Variants in TBX22 observed in about 807,000 individuals in gnomAD.
TBX22 encodes the protein T-box transcription factor 22, also known as T-box transcription factor TBX22.
In TBX22, 8 loss-of-function variants were observed where a neutral mutation model predicts 30.1. The observed-to-expected ratio is 0.27, with a 90% CI of 0.16 to 0.48. The LOEUF (loss-of-function observed/expected upper bound fraction) is 0.48, where lower values mean the gene tolerates loss of function less well. Among genes scored for constraint, TBX22 ranks in the 20% least tolerant of loss-of-function variants. TBX22 has a pLI of 0.99. For synonymous variants in TBX22, 173 were observed against 149.1 expected (o/e 1.16, Z -1.17); for missense variants, 463 against 400.5 (o/e 1.16, Z -1.33).
At chrX:80,028,744 GA>G (rs1382070135) in intron 8 of TBX22, among the ~76,000 whole-genome samples, 1 of 111,358 alleles carries the variant, frequency 9.0e-6, no homozygotes, top group Non-Finnish European at 1.9e-5. Flanking sequence ...AAATGACATG[GA>G]TTTTTTTTAT....
At chrX:80,021,926 G>A (rs1182244174) in intron 1 of TBX22, among the ~76,000 whole-genome samples, 1 of 111,042 alleles carries the variant, frequency 9.0e-6, no homozygotes, top group East Asian at 2.9e-4. Flanking sequence ...TGCACTGGGA[G>A]GAAGGGAGAC....
In TBX22 at chrX:80,031,198, T is replaced by A; in HGVS notation, c.*87T>A. The A allele has an allele frequency of 1.1e-6, 1 of 887,990 alleles. No homozygotes were observed. Among genetic ancestry groups the A allele is most frequent in the Non-Finnish European group, 1.6e-6 (1 of 632,041 alleles). 73.2% of individuals were successfully genotyped at this position (887,990 alleles called of 1,213,427 possible). On this transcript the variant is annotated 3_prime_UTR_variant, in exon 9 of 9. Transcript: ENST00000373296. The stretch of plus-strand genomic sequence containing the variant: ...AAGAAATTTCAACAGTTATTGGGCT[T>A]AAAAAGCATCATTACAATACAGTAT...
rs756371924 is a variant in TBX22 at position 80,031,145 on chromosome X, A to T, written c.*34A>T. 2.5e-6 allele frequency: 3 copies of T among 1,177,009 alleles called. No homozygotes were observed. In the South Asian group the frequency reaches 5.4e-5, roughly 21 times the overall value. On this transcript the variant is annotated 3_prime_UTR_variant, in exon 9 of 9. Transcript: ENST00000373296. Reference sequence around the variant, plus strand: ...TAGCATTTCTAGAACAATTACATGTAAACAAATATTTTCTTTATTTGTAGC... The same window carrying T: ...TAGCATTTCTAGAACAATTACATGTTAACAAATATTTTCTTTATTTGTAGC...
chrX:80,022,438 C>A lies in TBX22; in HGVS notation c.169C>A (p.Pro57Thr), dbSNP rs781388378. ...RRSSAAGKSE[P>T]LEKQPKTEPS... ...GAGCAGCGCTGCAGGGAAGAGCGAG[C>A]CGCTTGGTAAGTACTGCCATTGCCC... Residue 57 changes from proline to threonine, a missense_variant, in exon 2 of 9, where the codon CCG (proline) becomes ACG (threonine). Coordinates refer to ENST00000373296, the MANE Select transcript of TBX22 (RefSeq NM_001109878.2). 1.6e-5 allele frequency: 19 copies of A among 1,180,687 alleles called. No homozygotes were observed. Among genetic ancestry groups the A allele is most frequent in the Non-Finnish European group, 2.0e-5 (18 of 880,720 alleles).
At chrX:80,021,679 C>A (rs1923700463) in intron 1 of TBX22, among the ~76,000 whole-genome samples, 1 of 112,321 alleles carries the variant, frequency 8.9e-6, no homozygotes, top group South Asian at 3.7e-4. Context: ...CAAAACCCCC[C>A]TCCCTGTTAG....
In TBX22 at chrX:80,023,238, C is replaced by G. The variant is rs777522841; in HGVS notation, c.354C>G (p.Gly118=). Residue 118 remains glycine, a splice_region_variant and synonymous_variant, in exon 3 of 9, where the codon GGC becomes GGG. Transcript: ENST00000373296. ...IGTEMIITKA[G]RRMFPSVRVK... is the part of the protein sequence containing the mutation. The stretch of plus-strand genomic sequence containing the variant: ...CTGAGATGATCATTACTAAAGCGGG[C>G]AGGTTCGGTTCTGCCCAAGCTGTTC... 20 of 1,208,882 alleles carry G rather than the reference C, an allele frequency of 1.7e-5. No individual in the cohort carries two copies.
intron 8 of TBX22, 36 bp from the exon 9 acceptor site, chrX:80,030,462 A>G (rs760461944): frequency 1.7e-5 from 20 of 1,206,105 alleles, no homozygotes; most frequent in Non-Finnish European, 2.2e-5. Context: ...ATCAAATGTC[A>G]AGTTCATTAT....
Position 80,016,903 on chromosome X carries a change from G to A in TBX22, c.-3+2016G>A, listed in dbSNP as rs928213996. On this transcript the variant is annotated intron_variant, in intron 1 of 8. Coordinates refer to ENST00000373296, the MANE Select transcript of TBX22 (RefSeq NM_001109878.2). ...CGCCTGTAATCCCAGCTACTCAGGA[G>A]GCTGAGGCAGGAGAATCACCTGAAG... Among the ~76,000 whole-genome samples, 5 of 107,925 alleles carry A rather than the reference G, an allele frequency of 4.6e-5. No individual in the cohort carries two copies. In the Admixed American group the frequency reaches 5.0e-4, roughly 11 times the overall value. The allele number at this position is 107,925 out of a possible 115,157, so 93.7% of individuals were successfully genotyped here.
rs148996612 is a variant in TBX22 at position 80,030,972 on chromosome X, A to T, written c.1424A>T (p.Tyr475Phe). The T allele has an allele frequency of 1.7e-4, 201 of 1,210,782 alleles. No individual in the cohort carries two copies. In the African/African-American group the frequency reaches 2.6e-3, roughly 15 times the overall value. ...SCSFHPSYDF[Y>F]RYNFSMPSRL... Reference sequence around the variant, plus strand: ...TCCTTTCATCCTTCCTATGACTTTTATAGATACAATTTCTCTATGCCATCT... The same window carrying T: ...TCCTTTCATCCTTCCTATGACTTTTTTAGATACAATTTCTCTATGCCATCT... Residue 475 changes from tyrosine to phenylalanine, a missense_variant, in exon 9 of 9, where the codon TAT becomes TTT. Tyr to Phe is a conservative substitution (Grantham distance 22, BLOSUM62 3). Transcript: ENST00000373296.
rs1923758312 is a variant in TBX22 at position 80,022,458 on chromosome X, T to C, written c.175+14T>C. ...GCGAGCCGCTTGGTAAGTACTGCCA[T>C]TGCCCTGAGCCCGTTGCCTGAGCTT... On this transcript the variant is annotated intron_variant, in intron 2 of 8. Transcript: ENST00000373296. 7.7e-6 allele frequency: 9 copies of C among 1,169,552 alleles called. No individual in the cohort carries two copies. Among genetic ancestry groups the C allele is most frequent in the Non-Finnish European group, 1.0e-5 (9 of 874,345 alleles).
intron 1 of TBX22, among the ~76,000 whole-genome samples, chrX:80,016,341 T>C (rs6652879): frequency 0.031 from 3,458 of 111,789 alleles, 145 homozygotes; most frequent in African/African-American, 0.11. Context: ...TCTGCTTCTG[T>C]TGGGCTCATG....
chrX:80,022,492 C>G (rs1923761288), intron 2 of TBX22, 48 bp downstream of exon 2: 5 of 1,126,282 alleles, frequency 4.4e-6, no homozygotes, highest in Non-Finnish European at 4.8e-6. Context: ...TTACTGGTTC[C>G]GCATCTCTCC....
chrX:80,017,584 G>A (rs749602902), intron 1 of TBX22, among the ~76,000 whole-genome samples: 1 of 111,325 alleles, frequency 9.0e-6, no homozygotes, highest in Admixed American at 9.6e-5. Flanking sequence ...ACCATACAAT[G>A]CCTCTTCTGG....
Position 80,030,992 on chromosome X carries a change from C to A in TBX22, c.1444C>A (p.Pro482Thr), listed in dbSNP as rs969874867. The change falls in exon 9 of 9, where the codon CCA becomes ACA. Residue 482 changes from proline (P) to threonine (T), a missense_variant. Pro to Thr is a conservative substitution (Grantham distance 38, BLOSUM62 -1). Coordinates refer to ENST00000373296, the MANE Select transcript of TBX22 (RefSeq NM_001109878.2). ...YDFYRYNFSM[P>T]SRLISGSNHL... ...CTTTTATAGATACAATTTCTCTATGCCATCTAGACTGATAAGTGGTTCCAA... is the reference window on the plus strand; with the variant it reads ...CTTTTATAGATACAATTTCTCTATGACATCTAGACTGATAAGTGGTTCCAA... 2 of 1,210,453 alleles carry A rather than the reference C, an allele frequency of 1.7e-6. No individual in the cohort carries two copies. The highest frequency in any genetic ancestry group is 2.2e-6 in the Non-Finnish European group (2 of 895,073).
chrX:80,025,279 C>A (rs750028589), intron 4 of TBX22, among the ~76,000 whole-genome samples: 2 of 111,671 alleles, frequency 1.8e-5, no homozygotes, highest in Admixed American at 1.9e-4. Context: ...ACTCTTCACA[C>A]CCAAAGCTAG....
chrX:80,025,786 G>A lies in TBX22; in HGVS notation c.633+9G>A. 1 of 1,193,213 alleles carries A rather than the reference G, an allele frequency of 8.4e-7. No individual in the cohort carries two copies. The highest frequency in any genetic ancestry group is 1.1e-6 in the Non-Finnish European group (1 of 884,176). ...TGGATGACAAAGGCCACGTACGTGAGCACAATCCTTTACCCCGAGGAGGGA... is the reference window on the plus strand; with the variant it reads ...TGGATGACAAAGGCCACGTACGTGAACACAATCCTTTACCCCGAGGAGGGA... On this transcript the variant is annotated intron_variant, in intron 5 of 8. Coordinates refer to ENST00000373296, the MANE Select transcript of TBX22 (RefSeq NM_001109878.2).
At chrX:80,023,790 C>G (rs1385221378) in intron 3 of TBX22, among the ~76,000 whole-genome samples, 1 of 111,793 alleles carries the variant, frequency 8.9e-6, no homozygotes. Context: ...CATACTTTCT[C>G]TTCTATAGCT....
At chrX:80,026,633 G>C in intron 5 of TBX22, 71 bp from the exon 6 acceptor site, 1 of 1,042,752 alleles carries the variant, frequency 9.6e-7, no homozygotes, top group Admixed American at 2.2e-5. Context: ...TGGTGGAGGT[G>C]GTCAGGAGAG....
At chrX:80,028,196 G>A in intron 8 of TBX22, 120 bp downstream of exon 8, 1 of 595,226 alleles carries the variant, frequency 1.7e-6, no homozygotes, top group Non-Finnish European at 2.7e-6. Context: ...TGTACTTATG[G>A]GTAACTGCGT....
Sources: allele counts gnomAD v4.1 joint callset (sites outside exome capture counted in the v4.1 genomes callset), GRCh38; gene constraint gnomAD v4.1.1; transcripts MANE v1.5; gene names NCBI Gene and HGNC (gene_info 2026-07-23, HGNC 2026-07-21).